The following FOXN3 variants were observed in gnomAD, a reference collection of about 807,000 sequenced individuals.
FOXN3 encodes the protein forkhead box protein N3.
Under a neutral mutation model 38.4 loss-of-function variants are expected in FOXN3, and 7 were observed. That is an observed-to-expected ratio of 0.18 (90% confidence interval 0.10 to 0.34). The LOEUF (loss-of-function observed/expected upper bound fraction) is 0.34. Ranked by LOEUF, FOXN3 falls within the 10% of genes least tolerant of loss-of-function variation. The pLI, the probability that FOXN3 is intolerant of heterozygous loss-of-function variation, is 1.00. For missense variants in FOXN3, 456 were observed against 613.4 expected (o/e 0.74, Z 2.71); for synonymous variants, 230 against 242.2 (o/e 0.95, Z 0.47).
intron 4 of FOXN3, among the ~76,000 whole-genome samples, chr14:89,277,550 G>A (rs935226203): frequency 3.9e-5 from 6 of 152,210 alleles, no homozygotes; most frequent in African/African-American, 1.2e-4. Flanking sequence ...CATTATCCTC[G>A]AAACCGAGAG....
chr14:89,481,012 C>T (rs2139760147), intron 1 of FOXN3, among the ~76,000 whole-genome samples: 1 of 151,362 alleles, frequency 6.6e-6, no homozygotes, highest in African/African-American at 2.4e-5. Flanking sequence ...AGGGGAATTG[C>T]AATACAGACT....
chr14:89,522,719 A>AGG (rs201748490), intron 1 of FOXN3, among the ~76,000 whole-genome samples: 1 of 152,018 alleles, frequency 6.6e-6, no homozygotes, highest in East Asian at 1.9e-4. Flanking sequence ...CATTAAAATA[A>AGG]TACACAAAGA....
intron 4 of FOXN3, among the ~76,000 whole-genome samples, chr14:89,224,761 G>C (rs1466486942): frequency 6.6e-6 from 1 of 152,146 alleles, no homozygotes. Flanking sequence ...CTTATTTGGA[G>C]GCCAAGACAG....
At chr14:89,456,584 T>C (rs1892731351) in intron 1 of FOXN3, among the ~76,000 whole-genome samples, 2 of 152,148 alleles carry the variant, frequency 1.3e-5, no homozygotes, top group African/African-American at 4.8e-5. Context: ...CGAAAGCCCA[T>C]CTCTACTAAA....
At chr14:89,415,623 A>AAAC (rs1213428683) in intron 1 of FOXN3, among the ~76,000 whole-genome samples, 2 of 138,358 alleles carry the variant, frequency 1.4e-5, no homozygotes, top group African/African-American at 5.7e-5. Context: ...AAAAAAAAAA[A>AAAC]AAAAAAAACA....
intron 4 of FOXN3, among the ~76,000 whole-genome samples, chr14:89,221,191 T>C (rs755922025): frequency 1.8e-4 from 28 of 152,160 alleles, no homozygotes; most frequent in Non-Finnish European, 2.5e-4. Context: ...ACAGTAAACA[T>C]AGTGGTAACA....
rs1284128642 is a variant in FOXN3, at chr14:89,462,878, G to T, written c.-14-50388C>A. Among the ~76,000 whole-genome samples the T allele has an allele frequency of 2.7e-5, 4 of 150,888 alleles. No homozygotes were observed. In the South Asian group the frequency reaches 8.4e-4, roughly 32 times the overall value. ...TTTTTGCATTTTTAGTAGAGACGGG[G>T]TTTCACCATGTTAGCCAGGATGGTC... On this transcript the variant is annotated intron_variant, in intron 1 of 6. Coordinates refer to the FOXN3 transcript ENST00000345097.
At chr14:89,515,495 G>A (rs2139814267) in intron 1 of FOXN3, among the ~76,000 whole-genome samples, 1 of 152,236 alleles carries the variant, frequency 6.6e-6, no homozygotes, top group East Asian at 2.0e-4. Context: ...GGAGGCTGAG[G>A]CGGGTGGATC....
At chr14:89,601,961 A>C (rs529175801) in intron 1 of FOXN3, among the ~76,000 whole-genome samples, 35 of 152,360 alleles carry the variant, frequency 2.3e-4, no homozygotes, top group Admixed American at 3.9e-4. Flanking sequence ...ATCAGAAATA[A>C]CTGAGACAGA....
chr14:89,333,749 T>TTAAAAAAA lies in FOXN3; in HGVS notation c.680+16922_680+16923insTTTTTTTA. 3.5e-5 allele frequency among the ~76,000 whole-genome samples: 2 copies of TTAAAAAAA among 57,266 alleles called. 1 individual carries two copies. 37.6% of individuals were successfully genotyped at this position (57,266 alleles called of 152,430 possible). ...GCCTGGGTGAACACAGAGAGACTAT[T>TTAAAAAAA]AAAAAAAAAAAAAAAAAAAAAAAAA... On this transcript the variant is annotated intron_variant, in intron 3 of 5. Transcript: ENST00000557258.
chr14:89,584,134 C>T (rs1428341737), intron 1 of FOXN3, among the ~76,000 whole-genome samples: 1 of 151,276 alleles, frequency 6.6e-6, no homozygotes, highest in African/African-American at 2.4e-5. Context: ...GCTGGGATTA[C>T]AGGTATGAGC....
chr14:89,606,827 G>A (rs1272003792), intron 1 of FOXN3, among the ~76,000 whole-genome samples: 3 of 151,666 alleles, frequency 2.0e-5, no homozygotes, highest in African/African-American at 4.8e-5. Context: ...CAGCCTGGGC[G>A]ACAATAGCGA....
chr14:89,317,494 C>A (rs1379792036), intron 3 of FOXN3, among the ~76,000 whole-genome samples: 1 of 152,126 alleles, frequency 6.6e-6, no homozygotes, highest in Non-Finnish European at 1.5e-5. Context: ...TCTGAAAGTG[C>A]CTGTTTCCTG....
At chr14:89,513,945 C>CGCAA (rs1224373281) in intron 1 of FOXN3, among the ~76,000 whole-genome samples, 1 of 152,002 alleles carries the variant, frequency 6.6e-6, no homozygotes. Context: ...CACACACGCA[C>CGCAA]GCACACACGC....
At chr14:89,290,709 T>C (rs1192040905) in intron 3 of FOXN3, 1 of 377,672 alleles carries the variant, frequency 2.6e-6, no homozygotes, top group African/African-American at 2.2e-5. Flanking sequence ...GTAGCTTCTG[T>C]GGGGAGACGT....
At chr14:89,538,702 G>T (rs1256835901) in intron 1 of FOXN3, among the ~76,000 whole-genome samples, 1 of 151,134 alleles carries the variant, frequency 6.6e-6, no homozygotes, top group Non-Finnish European at 1.5e-5. Flanking sequence ...ATTTTTAGTA[G>T]AGACGGGGTT....
At chr14:89,199,137 C>T (rs763450629) in intron 4 of FOXN3, among the ~76,000 whole-genome samples, 1 of 152,202 alleles carries the variant, frequency 6.6e-6, no homozygotes, top group Non-Finnish European at 1.5e-5. Context: ...ATTTCTTCCA[C>T]TTCCCTTTTG....
At chr14:89,430,923 G>C (rs994553992) in intron 1 of FOXN3, among the ~76,000 whole-genome samples, 1 of 152,208 alleles carries the variant, frequency 6.6e-6, no homozygotes, top group African/African-American at 2.4e-5. Context: ...TCTTGCTAAA[G>C]GCATGATAAA....
At chr14:89,454,561 G>A (rs1014456416) in intron 1 of FOXN3, among the ~76,000 whole-genome samples, 1 of 152,198 alleles carries the variant, frequency 6.6e-6, no homozygotes, top group East Asian at 1.9e-4. Flanking sequence ...AGAAAAACTG[G>A]ATAAACATTC....
Sources: allele counts gnomAD v4.1 joint callset (sites outside exome capture counted in the v4.1 genomes callset), GRCh38; gene constraint gnomAD v4.1.1; transcripts MANE v1.5; gene names NCBI Gene and HGNC (gene_info 2026-07-23, HGNC 2026-07-21).